Variants in DAAM1 observed in about 807,000 individuals in gnomAD.
DAAM1 encodes disheveled-associated activator of morphogenesis 1.
In DAAM1, 52 loss-of-function variants were observed where a neutral mutation model predicts 130.0. The ratio of observed to expected loss-of-function variants is 0.40; its 90% CI spans 0.32 to 0.50. The LOEUF (loss-of-function observed/expected upper bound fraction) is 0.50. Among genes scored for constraint, DAAM1 ranks in the 20% least tolerant of loss-of-function variants. The probability of loss-of-function intolerance (pLI) is 0.61; values close to 1 mark genes in which losing one functional copy is unlikely to be tolerated. For synonymous variants in DAAM1, 452 were observed against 444.5 expected (o/e 1.02, Z -0.21); for missense variants, 1,134 against 1,303.8 (o/e 0.87, Z 2.01).
At chr14:59,302,460 G>T (rs1884210078) in intron 3 of DAAM1, among the ~76,000 whole-genome samples, 1 of 152,150 alleles carries the variant, frequency 6.6e-6, no homozygotes, top group African/African-American at 2.4e-5. Context: ...GGTTAGAGAA[G>T]CAACTCCCTC....
chr14:59,353,763 G>T, intron 18 of DAAM1, 113 bp from the exon 19 acceptor site: 1 of 856,934 alleles, frequency 1.2e-6, no homozygotes. Flanking sequence ...TGTGTCGGGG[G>T]AGTGGGTGGG....
rs1169557254 is a variant in DAAM1, at chr14:59,275,803, G to A, written c.183+12143G>A. The stretch of plus-strand genomic sequence containing the variant: ...TTTCTATTAGTCAGCCTTTGCTTGT[G>A]GTGTTTCTCACTTCTTATTTTTATG... On this transcript the variant is annotated intron_variant, in intron 2 of 24. Coordinates refer to ENST00000360909, the MANE Select transcript of DAAM1 (RefSeq NM_001270520.2). 2.0e-5 allele frequency among the ~76,000 whole-genome samples: 3 copies of A among 152,230 alleles called. No individual in the cohort carries two copies. In the East Asian group the frequency reaches 5.8e-4, roughly 29 times the overall value.
At chr14:59,322,834 T>A (rs1207429800) in intron 5 of DAAM1, 58 bp from the exon 6 acceptor site, 3 of 1,390,786 alleles carry the variant, frequency 2.2e-6, no homozygotes, top group African/African-American at 2.9e-5. Context: ...ACTTTTCTGT[T>A]AGGGGCTATT....
intron 23 of DAAM1, among the ~76,000 whole-genome samples, chr14:59,365,543 G>A (rs1383803459): frequency 2.0e-5 from 3 of 152,058 alleles, no homozygotes; most frequent in Admixed American, 2.0e-4. Flanking sequence ...GGACACTTTT[G>A]TTACAAGTTT....
chr14:59,336,994 C>T (rs1020555342), intron 15 of DAAM1, among the ~76,000 whole-genome samples: 3 of 152,122 alleles, frequency 2.0e-5, no homozygotes, highest in Non-Finnish European at 4.4e-5. Context: ...TGCCTGATTC[C>T]ACAGGCCTCT....
intron 1 of DAAM1, among the ~76,000 whole-genome samples, chr14:59,204,792 G>T (rs992340547): frequency 1.2e-4 from 18 of 152,352 alleles, no homozygotes; most frequent in African/African-American, 4.1e-4. Flanking sequence ...AGCACTTTGG[G>T]AGGCCGAGGC....
At chr14:59,361,100 A>G (rs533273484) in intron 22 of DAAM1, among the ~76,000 whole-genome samples, 1 of 152,354 alleles carries the variant, frequency 6.6e-6, no homozygotes, top group African/African-American at 2.4e-5. Flanking sequence ...AACTGGACCT[A>G]GTGTGCCACC....
intron 1 of DAAM1, among the ~76,000 whole-genome samples, chr14:59,198,104 TTCCTC>T (rs1887964540): frequency 1.3e-5 from 2 of 152,194 alleles, no homozygotes; most frequent in Non-Finnish European, 2.9e-5. Flanking sequence ...AGGCCAGGAA[TTCCTC>T]CAACAGAAAT....
chr14:59,254,336 T>C (rs561042305), intron 1 of DAAM1, among the ~76,000 whole-genome samples: 1 of 152,338 alleles, frequency 6.6e-6, no homozygotes, highest in East Asian at 1.9e-4. Flanking sequence ...CTTTTGTATA[T>C]TTGTAAAGAA....
chr14:59,302,427 T>G (rs995066688), intron 3 of DAAM1, among the ~76,000 whole-genome samples: 1 of 152,120 alleles, frequency 6.6e-6, no homozygotes, highest in Admixed American at 6.5e-5. Flanking sequence ...CCTATGGAGC[T>G]CTCTTTTTCC....
intron 15 of DAAM1, among the ~76,000 whole-genome samples, chr14:59,333,603 C>G (rs1957408): frequency 0.38 from 58,455 of 152,138 alleles, 13,449 homozygotes; most frequent in East Asian, 0.71. Flanking sequence ...GGCTACATGT[C>G]CCATTGCTTT....
At chr14:59,237,178 G>A (rs1172776343) in intron 1 of DAAM1, among the ~76,000 whole-genome samples, 1 of 152,158 alleles carries the variant, frequency 6.6e-6, no homozygotes, top group Non-Finnish European at 1.5e-5. Context: ...TTGATTACAA[G>A]CTCAGTTCAT....
intron 1 of DAAM1, among the ~76,000 whole-genome samples, chr14:59,200,525 A>G (rs1888066261): frequency 6.6e-6 from 1 of 152,118 alleles, no homozygotes; most frequent in Non-Finnish European, 1.5e-5. Flanking sequence ...CAACACTGAA[A>G]CTTGCCTTGC....
chr14:59,225,679 G>A (rs764005902), intron 1 of DAAM1, among the ~76,000 whole-genome samples: 8 of 149,416 alleles, frequency 5.4e-5, no homozygotes, highest in East Asian at 2.1e-4. Flanking sequence ...GAGATCTGGC[G>A]GACAGAGATC....
intron 4 of DAAM1, among the ~76,000 whole-genome samples, chr14:59,319,078 T>A (rs187327508): frequency 6.6e-6 from 1 of 152,306 alleles, no homozygotes; most frequent in East Asian, 1.9e-4. Flanking sequence ...CATTGGAGAT[T>A]AAACGTTCTT....
At chr14:59,311,537 G>A (rs1186068212) in intron 3 of DAAM1, among the ~76,000 whole-genome samples, 1 of 149,182 alleles carries the variant, frequency 6.7e-6, no homozygotes, top group Non-Finnish European at 1.5e-5. Context: ...AATTTGCATG[G>A]TATAGAAGTT....
chr14:59,224,963 C>T (rs755248640), intron 1 of DAAM1, among the ~76,000 whole-genome samples: 8 of 151,638 alleles, frequency 5.3e-5, no homozygotes, highest in South Asian at 2.1e-4. Context: ...GGCACCTTCA[C>T]CTCACACTTC....
At chr14:59,278,181 C>A (rs1883053898) in intron 2 of DAAM1, among the ~76,000 whole-genome samples, 1 of 152,074 alleles carries the variant, frequency 6.6e-6, no homozygotes, top group Non-Finnish European at 1.5e-5. Flanking sequence ...GATAAAATGC[C>A]TGTGTGATCA....
At chr14:59,306,035 C>A (rs2139591211) in intron 3 of DAAM1, among the ~76,000 whole-genome samples, 1 of 151,798 alleles carries the variant, frequency 6.6e-6, no homozygotes, top group East Asian at 1.9e-4. Flanking sequence ...TTGATAAAAA[C>A]CAGGGCTTAG....
Sources: allele counts gnomAD v4.1 joint callset (sites outside exome capture counted in the v4.1 genomes callset), GRCh38; gene constraint gnomAD v4.1.1; transcripts MANE v1.5; gene names NCBI Gene and HGNC (gene_info 2026-07-23, HGNC 2026-07-21).